VAV3: variants seen among roughly 807,000 people sequenced by gnomAD.
VAV3 encodes vav guanine nucleotide exchange factor 3, also known as guanine nucleotide exchange factor VAV3.
In VAV3, 94 loss-of-function variants were observed where a neutral mutation model predicts 131.2. That is an observed-to-expected ratio of 0.72 (90% CI 0.61 to 0.85). The LOEUF (loss-of-function observed/expected upper bound fraction) is 0.85, where lower values mean the gene tolerates loss of function less well. VAV3 is among the 40% of genes least tolerant of loss of function. The pLI is 0.00. For synonymous variants in VAV3, 349 were observed against 342.0 expected (o/e 1.02, Z -0.22); for missense variants, 939 against 1,002.7 (o/e 0.94, Z 0.86).
At chr1:107,756,085 T>C (rs768591271) in intron 11 of VAV3, among the ~76,000 whole-genome samples, 1 of 152,182 alleles carries the variant, frequency 6.6e-6, no homozygotes, top group Non-Finnish European at 1.5e-5. Context: ...AGGAACTAAA[T>C]AGCACAACAT....
At chr1:107,776,154 T>C (rs1468217089) in intron 4 of VAV3, among the ~76,000 whole-genome samples, 4 of 152,234 alleles carry the variant, frequency 2.6e-5, no homozygotes, top group African/African-American at 9.6e-5. Flanking sequence ...AAGCTCTTAT[T>C]ATTATTGCCA....
At chr1:107,657,095 C>T (rs992121650) in intron 19 of VAV3, among the ~76,000 whole-genome samples, 3 of 151,938 alleles carry the variant, frequency 2.0e-5, no homozygotes, top group African/African-American at 4.8e-5. Context: ...GCTGGGATTA[C>T]GGGCATGCAC....
chr1:107,892,513 T>G (rs951594395), intron 1 of VAV3, among the ~76,000 whole-genome samples: 2 of 152,200 alleles, frequency 1.3e-5, no homozygotes. Flanking sequence ...TTTCTGATTT[T>G]TCTAATTCTC....
At position 107,757,323 on chromosome 1, in the gene VAV3, C is replaced by A; in HGVS notation, c.1024G>T (p.Val342Phe). 2.5e-6 allele frequency: 4 copies of A among 1,612,268 alleles called. No homozygotes were observed. The highest frequency in any genetic ancestry group is 3.4e-6 in the Non-Finnish European group (4 of 1,179,422). The change falls in exon 11 of 27, where the codon GTC becomes TTC. Residue 342 changes from valine to phenylalanine, a missense_variant. Val to Phe is a conservative substitution (Grantham distance 50). Coordinates refer to ENST00000370056, the MANE Select transcript of VAV3 (RefSeq NM_006113.5). ...TCAGTCGGATCAGTGGTATGTTTGA[C>A]CAGTTCCTATTTGGAAGATATGGTT... ...LKYHLLLQEL[V>F]KHTTDPTEKA...
chr1:107,864,966 TACCTCTGGCTG>T (rs988713609), intron 2 of VAV3, among the ~76,000 whole-genome samples: 6 of 152,188 alleles, frequency 3.9e-5, no homozygotes, highest in Non-Finnish European at 8.8e-5. Flanking sequence ...ACTCAGGAGT[TACCTCTGGCTG>T]AGCCTTACCC....
intron 1 of VAV3, among the ~76,000 whole-genome samples, chr1:107,932,020 G>A (rs947207966): frequency 1.3e-5 from 2 of 152,120 alleles, no homozygotes; most frequent in African/African-American, 2.4e-5. Flanking sequence ...ATAGCACAAC[G>A]ATAGCTCTCA....
intron 1 of VAV3, among the ~76,000 whole-genome samples, chr1:107,936,350 T>G (rs894002867): frequency 6.6e-6 from 1 of 152,208 alleles, no homozygotes; most frequent in Non-Finnish European, 1.5e-5. Context: ...TTGTGCATAG[T>G]GTTAGAATTA....
chr1:107,886,515 C>T (rs1671045625), intron 1 of VAV3, among the ~76,000 whole-genome samples: 1 of 152,210 alleles, frequency 6.6e-6, no homozygotes, highest in Non-Finnish European at 1.5e-5. Context: ...CTCAGGAAAA[C>T]ATACTACAAC....
rs1490989227 is a variant in VAV3 at position 107,588,604 on chromosome 1, G to C, written c.2350+7608C>G. 2.0e-5 allele frequency among the ~76,000 whole-genome samples: 3 copies of C among 152,154 alleles called. No individual in the cohort carries two copies. The East Asian group carries it at 5.8e-4, about 29-fold the overall frequency. ...CATGAGCATTAAACACTATGAGACA[G>C]TGTTGCATGATGAAATAAACTGGGG... On this transcript the variant is annotated intron_variant, in intron 25 of 26. Coordinates refer to ENST00000370056, the MANE Select transcript of VAV3 (RefSeq NM_006113.5).
chr1:107,630,941 C>T (rs954712292), intron 20 of VAV3, among the ~76,000 whole-genome samples: 1 of 152,162 alleles, frequency 6.6e-6, no homozygotes, highest in Non-Finnish European at 1.5e-5. Flanking sequence ...CCTACATGTA[C>T]CTTCCATATG....
intron 19 of VAV3, among the ~76,000 whole-genome samples, chr1:107,678,740 G>T (rs1248671678): frequency 6.6e-6 from 1 of 151,832 alleles, no homozygotes; most frequent in Non-Finnish European, 1.5e-5. Flanking sequence ...TTATATAAAT[G>T]AAAACATTTA....
intron 20 of VAV3, among the ~76,000 whole-genome samples, chr1:107,627,611 T>C (rs1374873037): frequency 1.3e-5 from 2 of 152,138 alleles, no homozygotes; most frequent in Non-Finnish European, 2.9e-5. Flanking sequence ...CAAATACACT[T>C]TTTTCTCCTT....
At chr1:107,735,215 G>C (rs1157323474) in intron 15 of VAV3, among the ~76,000 whole-genome samples, 1 of 152,198 alleles carries the variant, frequency 6.6e-6, no homozygotes, top group African/African-American at 2.4e-5. Flanking sequence ...GCAGTGTGTA[G>C]AGGGAAATTT....
At chr1:107,826,435 T>G (rs961618391) in intron 2 of VAV3, among the ~76,000 whole-genome samples, 1 of 152,206 alleles carries the variant, frequency 6.6e-6, no homozygotes, top group Admixed American at 6.5e-5. Flanking sequence ...AGCTTTATAT[T>G]TGTAAACAGC....
At chr1:107,952,468 T>TTTATATATATATA (rs1553235441) in intron 1 of VAV3, among the ~76,000 whole-genome samples, 28 of 118,986 alleles carry the variant, frequency 2.4e-4, no homozygotes, top group African/African-American at 5.3e-4. Flanking sequence ...TAACAAAACT[T>TTTATATATATATA]TATATATATA....
At chr1:107,578,952 T>C (rs1457839255) in intron 25 of VAV3, 2 of 970,836 alleles carry the variant, frequency 2.1e-6, no homozygotes, top group Non-Finnish European at 2.4e-6. Context: ...ATTTCAACAA[T>C]AGGTAGGTAA....
intron 1 of VAV3, among the ~76,000 whole-genome samples, chr1:107,901,511 C>A (rs1671854047): frequency 6.6e-6 from 1 of 152,070 alleles, no homozygotes; most frequent in Non-Finnish European, 1.5e-5. Flanking sequence ...CATGGTACAA[C>A]AATCAATGTA....
In VAV3 at chr1:107,851,472, A is replaced by C. The variant is rs374676365; in HGVS notation, c.321+23429T>G. Among the ~76,000 whole-genome samples the C allele has an allele frequency of 2.0e-5, 3 of 151,550 alleles. No homozygotes were observed. The East Asian group carries it at 5.8e-4, about 29-fold the overall frequency. On this transcript the variant is annotated intron_variant, in intron 2 of 26. Coordinates refer to ENST00000370056, the MANE Select transcript of VAV3 (RefSeq NM_006113.5). Reference sequence around the variant, plus strand: ...TTATTTTCATTTTACCTTTAATCTTAAATGTTCTTGCCTATTAAGCTGGAA... The same window carrying C: ...TTATTTTCATTTTACCTTTAATCTTCAATGTTCTTGCCTATTAAGCTGGAA...
chr1:107,922,557 C>T (rs532676365), intron 1 of VAV3, among the ~76,000 whole-genome samples: 1 of 152,226 alleles, frequency 6.6e-6, no homozygotes, highest in East Asian at 1.9e-4. Context: ...ATTTCCTAAC[C>T]ATCATCAACT....
Sources: allele counts gnomAD v4.1 joint callset (sites outside exome capture counted in the v4.1 genomes callset), GRCh38; gene constraint gnomAD v4.1.1; transcripts MANE v1.5; gene names NCBI Gene and HGNC (gene_info 2026-07-23, HGNC 2026-07-21).